OCEL1: variants seen among roughly 807,000 people sequenced by gnomAD.
OCEL1 encodes occludin/ELL domain-containing protein 1.
A neutral mutation model predicts 29.4 loss-of-function variants in OCEL1; 24 were observed. That is an observed-to-expected ratio of 0.82 (90% CI 0.59 to 1.15). The LOEUF is 1.15. OCEL1 is among the 50% of genes most tolerant of loss of function. The pLI is 0.00. For synonymous variants in OCEL1, 172 were observed against 145.3 expected (o/e 1.18, Z -1.32); for missense variants, 402 against 352.5 (o/e 1.14, Z -1.13).
chr19:17,226,897 G>C (rs2073366412), intron 2 of OCEL1, 28 bp downstream of exon 2: 1 of 1,513,562 alleles, frequency 6.6e-7, no homozygotes, highest in African/African-American at 1.4e-5. Flanking sequence ...GGGGTCCCCA[G>C]GCCGGGCCTC....
rs530074916 is a variant in OCEL1 at position 17,226,480 on chromosome 19, A to G, written c.69+164A>G. 98 of 949,546 alleles carry G rather than the reference A, an allele frequency of 1.0e-4. No homozygotes were observed. In the East Asian group the frequency reaches 1.3e-3, roughly 12 times the overall value. 58.8% of individuals were successfully genotyped at this position (949,546 alleles called of 1,614,324 possible). On this transcript the variant is annotated intron_variant, in intron 1 of 5. Coordinates refer to ENST00000215061, the MANE Select transcript of OCEL1 (RefSeq NM_024578.3). ...GTCCCAGGCTGCGCGGCGACGTCAG[A>G]GTTCATTTACATAGCGCTTATTTGG... is the stretch of plus-strand genomic sequence containing the variant.
rs759500975 is a variant in OCEL1, at chr19:17,228,784, C to T, written c.673-19C>T. 43 of 1,610,196 alleles carry T rather than the reference C, an allele frequency of 2.7e-5. No homozygotes were observed. The highest frequency in any genetic ancestry group is 1.1e-4 in the East Asian group (5 of 44,844). ...CAGGGCAGACTGCTGCAAAGACTTCCGGGTCTCGCCCTGCCTAGGATCCTG... is the reference window on the plus strand; with the variant it reads ...CAGGGCAGACTGCTGCAAAGACTTCTGGGTCTCGCCCTGCCTAGGATCCTG... On this transcript the variant is annotated intron_variant, in intron 5 of 5. Coordinates refer to ENST00000215061, the MANE Select transcript of OCEL1 (RefSeq NM_024578.3).
chr19:17,226,712 C>G lies in OCEL1; in HGVS notation c.89C>G (p.Pro30Arg), dbSNP rs761673169. 57 of 1,508,206 alleles carry G rather than the reference C, an allele frequency of 3.8e-5. No individual in the cohort carries two copies. The highest frequency in any genetic ancestry group is 2.3e-4 in the Middle Eastern group (1 of 4,438). 93.4% of individuals were successfully genotyped at this position (1,508,206 alleles called of 1,614,324 possible). A position where few individuals can be genotyped will look rare whatever the true frequency, so the allele number is the denominator to read the frequency against. Residue 30 changes from proline to arginine, a missense_variant, in exon 2 of 6, where the codon CCG (proline) becomes CGG (arginine). By Grantham distance (103) the Pro-to-Arg change is moderately radical. Coordinates refer to ENST00000215061, the MANE Select transcript of OCEL1 (RefSeq NM_024578.3). Reference sequence around the variant, plus strand: ...CCACAGGCCGCCCGCAGACCACCCCCGCCGCGCGCGGGACACGACGCCCCC... The same window carrying G: ...CCACAGGCCGCCCGCAGACCACCCCGGCCGCGCGCGGGACACGACGCCCCC... ...TLGQAARRPP[P>R]PRAGHDAPRR...
intron 1 of OCEL1, 65 bp from the exon 2 acceptor site, chr19:17,226,628 G>T: frequency 3.6e-6 from 5 of 1,403,950 alleles, no homozygotes; most frequent in Non-Finnish European, 4.6e-6. Context: ...CTTCGGCCGA[G>T]CTGCCCGCGC....
intron 5 of OCEL1, 82 bp downstream of exon 5, chr19:17,228,391 TTTTC>T (rs765575063): frequency 2.1e-6 from 3 of 1,399,928 alleles, no homozygotes; most frequent in Admixed American, 2.0e-5. Flanking sequence ...TTTCTTTTTT[TTTTC>T]TTTCTTTTGA....
chr19:17,226,436 CGGGG>C, intron 1 of OCEL1, 120 bp downstream of exon 1: 1 of 1,215,734 alleles, frequency 8.2e-7, no homozygotes, highest in Non-Finnish European at 1.2e-6. Context: ...TCCGGCAGCG[CGGGG>C]GTTAACTCGA....
intron 5 of OCEL1, 130 bp from the exon 6 acceptor site, chr19:17,228,673 T>C (rs2073385610): frequency 2.3e-6 from 3 of 1,317,668 alleles, no homozygotes; most frequent in Non-Finnish European, 3.0e-6. Flanking sequence ...CTTGCCCGGC[T>C]CACCCGGTCG....
At chr19:17,228,669 C>T (rs550682274) in intron 5 of OCEL1, 134 bp from the exon 6 acceptor site, 13 of 1,273,992 alleles carry the variant, frequency 1.0e-5, no homozygotes, top group South Asian at 4.4e-5. Flanking sequence ...CCACCTTGCC[C>T]GGCTCACCCG....
At position 17,228,960 on chromosome 19, in the gene OCEL1, A is replaced by T. The variant is rs778029101; in HGVS notation, c.*35A>T. ...CAGATGGGCAGAGGGATGCATGGGG[A>T]TGCAGGTCCCTTGCATTTCTTGGTA... On this transcript the variant is annotated 3_prime_UTR_variant, in exon 6 of 6. Coordinates refer to ENST00000215061, the MANE Select transcript of OCEL1 (RefSeq NM_024578.3). 3 of 1,596,896 alleles carry T rather than the reference A, an allele frequency of 1.9e-6. No individual in the cohort carries two copies. The highest frequency in any genetic ancestry group is 2.6e-6 in the Non-Finnish European group (3 of 1,170,886).
At position 17,226,850 on chromosome 19, in the gene OCEL1, CGCCTGG is replaced by C. The variant is rs1490857098; in HGVS notation, c.237_242del (p.Gly80_Pro81del). Reference sequence around the variant, plus strand: ...TCCCGGGGGCACCTGCATACTCACCCGCCTGGGCCTGGGCCCCCGGTGAGCCTGACC... The same window carrying C: ...TCCCGGGGGCACCTGCATACTCACCCGCCTGGGCCCCCGGTGAGCCTGACC... On this transcript the variant is annotated inframe_deletion, in exon 2 of 6. Transcript: ENST00000215061. The C allele has an allele frequency of 2.6e-6, 4 of 1,548,404 alleles. No individual in the cohort carries two copies. Among genetic ancestry groups the C allele is most frequent in the Non-Finnish European group, 3.5e-6 (4 of 1,154,864 alleles).
intron 1 of OCEL1, 75 bp downstream of exon 1, chr19:17,226,391 C>A (rs2145554526): frequency 5.2e-6 from 8 of 1,525,970 alleles, no homozygotes; most frequent in Admixed American, 1.9e-5. Context: ...CGGGCGCGGT[C>A]GTCTGTGGGC....
Position 17,227,142 on chromosome 19 carries a change from T to A in OCEL1, c.395T>A (p.Ile132Asn). 6.3e-7 allele frequency: 1 copy of A among 1,594,146 alleles called. No homozygotes were observed. The highest frequency in any genetic ancestry group is 8.5e-7 in the Non-Finnish European group (1 of 1,173,858). The change falls in exon 3 of 6, where the codon ATT (isoleucine) becomes AAT (asparagine). Residue 132 changes from isoleucine (I) to asparagine (N), a missense_variant. By Grantham distance (149) the Ile-to-Asn change is moderately radical. Coordinates refer to ENST00000215061, the MANE Select transcript of OCEL1 (RefSeq NM_024578.3). The part of the protein sequence containing the change: ...SQALLGAKKP[I>N]GAIPKGHKPR... Reference sequence around the variant, plus strand: ...GCCCTCCTGGGCGCCAAGAAGCCTATTGGAGCCATCCCTAAGGGGCATAAG... The same window carrying A: ...GCCCTCCTGGGCGCCAAGAAGCCTAATGGAGCCATCCCTAAGGGGCATAAG...
chr19:17,228,233 C>G, intron 4 of OCEL1, 23 bp from the exon 5 acceptor site: 1 of 1,613,900 alleles, frequency 6.2e-7, no homozygotes, highest in Non-Finnish European at 8.5e-7. Context: ...CCCTAAACCC[C>G]CTTTCTACTC....
intron 5 of OCEL1, 179 bp downstream of exon 5, chr19:17,228,488 C>A (rs929847804): frequency 4.5e-6 from 3 of 669,440 alleles, no homozygotes; most frequent in African/African-American, 1.8e-5. Context: ...CGGGTTCAAG[C>A]GGTTCTCCTG....
chr19:17,226,649 C>A, intron 1 of OCEL1, 44 bp from the exon 2 acceptor site: 1 of 1,424,934 alleles, frequency 7.0e-7, no homozygotes, highest in Non-Finnish European at 9.1e-7. Flanking sequence ...GTCCTTTCTC[C>A]GTGCGCGTCG....
Position 17,226,720 on chromosome 19 carries a change from G to T in OCEL1, c.97G>T (p.Ala33Ser). 7 of 1,520,508 alleles carry T rather than the reference G, an allele frequency of 4.6e-6. No homozygotes were observed. Among genetic ancestry groups the T allele is most frequent in the Non-Finnish European group, 4.4e-6 (5 of 1,142,540 alleles). 94.2% of individuals were successfully genotyped at this position (1,520,508 alleles called of 1,614,324 possible). Residue 33 changes from alanine (A) to serine (S), a missense_variant, in exon 2 of 6, where the codon GCG (alanine) becomes TCG (serine). Transcript: ENST00000215061. ...CGCCCGCAGACCACCCCCGCCGCGC[G>T]CGGGACACGACGCCCCCCGCAGGAC... ...QAARRPPPPR[A>S]GHDAPRRTRP... is the part of the protein sequence containing the mutation.
chr19:17,227,922 C>A lies in OCEL1; in HGVS notation c.535C>A (p.Leu179Ile). 1.9e-6 allele frequency: 3 copies of A among 1,613,668 alleles called. No homozygotes were observed. The highest frequency in any genetic ancestry group is 2.5e-6 in the Non-Finnish European group (3 of 1,180,012). The change falls in exon 4 of 6, where the codon CTC becomes ATC. Residue 179 changes from leucine (L) to isoleucine (I), a missense_variant. Coordinates refer to ENST00000215061, the MANE Select transcript of OCEL1 (RefSeq NM_024578.3). ...GGACCAGTACGGAGAGTTCTTGGAG[C>A]TCCAGCACGAGGTGGGGTGTGCACA... is the stretch of plus-strand genomic sequence containing the variant. ...FQDQYGEFLE[L>I]QHEVGCAQAK...
intron 1 of OCEL1, 124 bp downstream of exon 1, chr19:17,226,440 G>A (rs931860081): frequency 8.3e-7 from 1 of 1,200,532 alleles, no homozygotes; most frequent in African/African-American, 1.5e-5. Context: ...GCAGCGCGGG[G>A]GTTAACTCGA....
In OCEL1 at chr19:17,228,915, T is replaced by C. The variant is rs1261305873; in HGVS notation, c.785T>C (p.Val262Ala). 5.0e-6 allele frequency: 8 copies of C among 1,612,646 alleles called. No homozygotes were observed. The highest frequency in any genetic ancestry group is 5.9e-6 in the Non-Finnish European group (7 of 1,179,588). Residue 262 changes from valine (V) to alanine (A), a missense_variant, in exon 6 of 6, where the codon GTG becomes GCG. Physicochemically the swap from Val to Ala is moderately conservative, Grantham distance 64 (BLOSUM62 0). Transcript: ENST00000215061. The part of the protein sequence containing the change: ...FDDQGDSEGS[V>A]YF ...GACCAAGGAGACAGCGAGGGCTCCG[T>C]GTACTTCTAAGTGCCCCTGCAGATG... is the stretch of plus-strand genomic sequence containing the variant.
Sources: gnomAD v4.1 joint callset for allele counts on GRCh38, gnomAD v4.1.1 for gene constraint, MANE v1.5 for transcripts, NCBI Gene and HGNC (gene_info 2026-07-23, HGNC 2026-07-21) for gene names.